Variants in ST3GAL4 observed in about 807,000 individuals in gnomAD.
The protein encoded by ST3GAL4 is CMP-N-acetylneuraminate-beta-galactosamide-alpha-2,3-sialyltransferase 4.
Under a neutral mutation model 42.6 loss-of-function variants are expected in ST3GAL4, and 24 were observed. The ratio of observed to expected loss-of-function variants is 0.56; its 90% CI spans 0.41 to 0.79. The LOEUF (loss-of-function observed/expected upper bound fraction) is 0.79. ST3GAL4 is among the 30% of genes least tolerant of loss of function. The pLI, the probability that ST3GAL4 is intolerant of heterozygous loss-of-function variation, is 0.00. For missense variants in ST3GAL4, 311 were observed against 430.8 expected, an observed-to-expected ratio of 0.72 and a Z score of 2.46; for synonymous variants, 135 against 163.2, an observed-to-expected ratio of 0.83 and a Z score of 1.32.
Position 126,366,084 on chromosome 11 carries a change from G to A in ST3GAL4, c.-61+10242G>A, listed in dbSNP as rs1305478826. On this transcript the variant is annotated intron_variant, in intron 1 of 10. Coordinates refer to ENST00000444328, the MANE Select transcript of ST3GAL4 (RefSeq NM_001254757.2). This position sits in a 1 kb window ranked among gnomAD's most constrained non-coding sequence, Gnocchi z 4.2. The stretch of plus-strand genomic sequence containing the variant: ...CCCCTTTCCGTGACTTTGGAGGAAC[G>A]AGGTTCCTGAGGGCTGGCACAGCCA... Among the ~76,000 whole-genome samples, 1 of 152,186 alleles carries A rather than the reference G, an allele frequency of 6.6e-6. No homozygotes were observed. The highest frequency in any genetic ancestry group is 1.5e-5 in the Non-Finnish European group (1 of 68,030).
chr11:126,387,970 C>CT (rs1231623755), intron 1 of ST3GAL4, among the ~76,000 whole-genome samples: 2 of 152,240 alleles, frequency 1.3e-5, no homozygotes, highest in African/African-American at 4.8e-5. Flanking sequence ...TTTGCAGCCT[C>CT]TTTTTCACAG....
At chr11:126,374,103 C>T (rs374828708) in intron 1 of ST3GAL4, among the ~76,000 whole-genome samples, 1 of 151,706 alleles carries the variant, frequency 6.6e-6, no homozygotes, top group Non-Finnish European at 1.5e-5. Context: ...GGGGAGGGGG[C>T]CTGCAGTGTT....
In ST3GAL4 at chr11:126,376,405, T is replaced by A. The variant is rs1174371762; in HGVS notation, c.-61+20563T>A. The stretch of plus-strand genomic sequence containing the variant: ...CAGAGGCAGGTGTTTGGAGAGTGAA[T>A]GTAAAAGCAAAATGAAGAATTTATT... On this transcript the variant is annotated intron_variant, in intron 1 of 10. Coordinates refer to ENST00000444328, the MANE Select transcript of ST3GAL4 (RefSeq NM_001254757.2). This position sits in a 1 kb window ranked among gnomAD's most constrained non-coding sequence, Gnocchi z 5.1. Among the ~76,000 whole-genome samples the A allele has an allele frequency of 6.6e-6, 1 of 152,216 alleles. No homozygotes were observed. The highest frequency in any genetic ancestry group is 1.5e-5 in the Non-Finnish European group (1 of 68,034).
chr11:126,414,203 T>C lies in ST3GAL4; in HGVS notation c.*156T>C, dbSNP rs1487323101. ...CCTGGCCAGGTCTGAGATGAGGCCA[T>C]GCCCCTGGCTGCTCTTATGGAGCCG... On this transcript the variant is annotated 3_prime_UTR_variant, in exon 11 of 11. Transcript: ENST00000444328. 5.8e-6 allele frequency: 4 copies of C among 689,744 alleles called. No individual in the cohort carries two copies. The highest frequency in any genetic ancestry group is 7.6e-6 in the Non-Finnish European group (3 of 394,762). The allele number at this position is 689,744 out of a possible 1,614,324, so 42.7% of individuals were successfully genotyped here.
intron 1 of ST3GAL4, among the ~76,000 whole-genome samples, chr11:126,381,391 G>T (rs2066985): frequency 0.12 from 18,132 of 151,392 alleles, 1,163 homozygotes; most frequent in East Asian, 0.34. Flanking sequence ...TGACAACAAA[G>T]CTCCCTCTGT....
chr11:126,412,002 G>A (rs4937126), intron 9 of ST3GAL4, among the ~76,000 whole-genome samples: 47,078 of 151,950 alleles, frequency 0.31, 7,488 homozygotes, highest in East Asian at 0.53. Flanking sequence ...GAGGGTTAGC[G>A]TCACTGGGGT....
rs546409484 is a variant in ST3GAL4, at chr11:126,390,221, C to G, written c.-60-15875C>G. ...TTAACATTATGTCTTCAAGTTTATCCCAATTGACCCATATGGATTGATTTC... is the reference window on the plus strand; with the variant it reads ...TTAACATTATGTCTTCAAGTTTATCGCAATTGACCCATATGGATTGATTTC... On this transcript the variant is annotated intron_variant, in intron 1 of 10. Transcript: ENST00000444328. Among the ~76,000 whole-genome samples, 5 of 151,752 alleles carry G rather than the reference C, an allele frequency of 3.3e-5. No individual in the cohort carries two copies. The East Asian group carries it at 9.7e-4, about 29-fold the overall frequency.
In ST3GAL4 at chr11:126,366,050, C is replaced by T. The variant is rs1952412386; in HGVS notation, c.-61+10208C>T. ...GCCTGGCTGGGCAGAGGGCGAGGAG[C>T]CCAGGATTCCCCTTTCCGTGACTTT... On this transcript the variant is annotated intron_variant, in intron 1 of 10. Coordinates refer to ENST00000444328, the MANE Select transcript of ST3GAL4 (RefSeq NM_001254757.2). This position sits in a 1 kb window ranked among gnomAD's most constrained non-coding sequence, Gnocchi z 4.2. 6.6e-6 allele frequency among the ~76,000 whole-genome samples: 1 copy of T among 152,180 alleles called. No homozygotes were observed. Among genetic ancestry groups the T allele is most frequent in the African/African-American group, 2.4e-5 (1 of 41,446 alleles).
At chr11:126,372,895 G>A (rs142557377) in intron 1 of ST3GAL4, among the ~76,000 whole-genome samples, 39 of 152,356 alleles carry the variant, frequency 2.6e-4, no homozygotes, top group African/African-American at 9.1e-4. Flanking sequence ...GAACATGGGT[G>A]TACAAATATC....
In ST3GAL4 at chr11:126,408,140, G is replaced by A. The variant is rs760822707; in HGVS notation, c.383G>A (p.Arg128Gln). The change falls in exon 7 of 11, where the codon CGG becomes CAG. Residue 128 changes from arginine (R) to glutamine (Q), a missense_variant. Arg to Gln is a conservative substitution (Grantham distance 43). Transcript: ENST00000444328. ...TGTGTGGTCGTGGGGAACGGGCACC[G>A]GCTGCGGAACAGCTCACTGGGAGAT... ...RRCVVVGNGH[R>Q]LRNSSLGDAI... 9 of 1,614,022 alleles carry A rather than the reference G, an allele frequency of 5.6e-6. No individual in the cohort carries two copies. Among genetic ancestry groups the A allele is most frequent in the Admixed American group, 3.3e-5 (2 of 59,996 alleles).
rs926218058 is a variant in ST3GAL4 at position 126,393,714 on chromosome 11, G to A, written c.-60-12382G>A. ...GGTCATAGGAAGTGTGAGCTAGCAG[G>A]AATCCTGGAGATTTTCTAGCCCAAC... is the stretch of plus-strand genomic sequence containing the variant. On this transcript the variant is annotated intron_variant, in intron 1 of 10. Coordinates refer to ENST00000444328, the MANE Select transcript of ST3GAL4 (RefSeq NM_001254757.2). The surrounding 1 kb of genome is among the most constrained non-coding windows in gnomAD (Gnocchi z 5.9). Among the ~76,000 whole-genome samples the A allele has an allele frequency of 3.3e-5, 5 of 152,162 alleles. No homozygotes were observed. The highest frequency in any genetic ancestry group is 7.2e-5 in the African/African-American group (3 of 41,436).
rs918209210 is a variant in ST3GAL4, at chr11:126,378,870, T to A, written c.-61+23028T>A. ...GTCATGTTCAGATTTTATATATGTG[T>A]CTCATGTAGGAATCTAGTCTTCATA... is the stretch of plus-strand genomic sequence containing the variant. On this transcript the variant is annotated intron_variant, in intron 1 of 10. Transcript: ENST00000444328. The surrounding 1 kb of genome is among the most constrained non-coding windows in gnomAD (Gnocchi z 5.3). Among the ~76,000 whole-genome samples the A allele has an allele frequency of 2.0e-5, 3 of 152,208 alleles. No homozygotes were observed. The highest frequency in any genetic ancestry group is 4.4e-5 in the Non-Finnish European group (3 of 68,032).
intron 1 of ST3GAL4, among the ~76,000 whole-genome samples, chr11:126,375,789 G>A (rs1466252983): frequency 6.6e-6 from 1 of 151,960 alleles, no homozygotes; most frequent in Admixed American, 6.6e-5. Context: ...ACAATACACA[G>A]GACAGACCCC....
In ST3GAL4 at chr11:126,400,555, C is replaced by T. The variant is rs1953955926; in HGVS notation, c.-60-5541C>T. ...GGGAGGAGGGTAAGAGATGCGTTTG[C>T]AGTTCTCATGGCCGCAGACTGAAGG... On this transcript the variant is annotated intron_variant, in intron 1 of 10. Transcript: ENST00000444328. The surrounding 1 kb of genome is among the most constrained non-coding windows in gnomAD (Gnocchi z 4.6). Among the ~76,000 whole-genome samples the T allele has an allele frequency of 1.3e-5, 2 of 152,184 alleles. No homozygotes were observed. The highest frequency in any genetic ancestry group is 2.9e-5 in the Non-Finnish European group (2 of 68,030).
intron 1 of ST3GAL4, among the ~76,000 whole-genome samples, chr11:126,387,987 A>C (rs1953296117): frequency 6.6e-6 from 1 of 152,216 alleles, no homozygotes; most frequent in Non-Finnish European, 1.5e-5. Context: ...ACAGCTCCAT[A>C]GTGTTTCCTT....
Position 126,393,785 on chromosome 11 carries a change from G to A in ST3GAL4, c.-60-12311G>A, listed in dbSNP as rs544281764. 1.2e-4 allele frequency among the ~76,000 whole-genome samples: 19 copies of A among 152,292 alleles called. No homozygotes were observed. Among genetic ancestry groups the A allele is most frequent in the Middle Eastern group, 6.8e-3 (2 of 294 alleles). On this transcript the variant is annotated intron_variant, in intron 1 of 10. Transcript: ENST00000444328. This position sits in a 1 kb window ranked among gnomAD's most constrained non-coding sequence, Gnocchi z 5.9. ...TGGGAGCCAGAAATACAAGCCACAT[G>A]TAATTTTAAATTACTTTTAAAACAT... is the stretch of plus-strand genomic sequence containing the variant.
At chr11:126,368,553 C>T (rs959030516) in intron 1 of ST3GAL4, among the ~76,000 whole-genome samples, 6 of 152,210 alleles carry the variant, frequency 3.9e-5, no homozygotes, top group African/African-American at 1.4e-4. Context: ...CCGTGGCTCT[C>T]CTGGGACACA....
Position 126,386,906 on chromosome 11 carries a change from C to T in ST3GAL4, c.-60-19190C>T, listed in dbSNP as rs1320893153. On this transcript the variant is annotated intron_variant, in intron 1 of 10. Coordinates refer to ENST00000444328, the MANE Select transcript of ST3GAL4 (RefSeq NM_001254757.2). This position sits in a 1 kb window ranked among gnomAD's most constrained non-coding sequence, Gnocchi z 4.7. ...AGGAACGGTAACACACACACCCCTCCCCCACCCCGCTGGAGAAGCCCTGCA... is the reference window on the plus strand; with the variant it reads ...AGGAACGGTAACACACACACCCCTCTCCCACCCCGCTGGAGAAGCCCTGCA... Among the ~76,000 whole-genome samples, 3 of 152,106 alleles carry T rather than the reference C, an allele frequency of 2.0e-5. No homozygotes were observed. The highest frequency in any genetic ancestry group is 7.2e-5 in the African/African-American group (3 of 41,420).
chr11:126,400,219 C>T lies in ST3GAL4; in HGVS notation c.-60-5877C>T, dbSNP rs966537897. Among the ~76,000 whole-genome samples, 43 of 152,360 alleles carry T rather than the reference C, an allele frequency of 2.8e-4. No homozygotes were observed. The highest frequency in any genetic ancestry group is 1.9e-3 in the Admixed American group (29 of 15,304). On this transcript the variant is annotated intron_variant, in intron 1 of 10. Coordinates refer to ENST00000444328, the MANE Select transcript of ST3GAL4 (RefSeq NM_001254757.2). This position sits in a 1 kb window ranked among gnomAD's most constrained non-coding sequence, Gnocchi z 4.6. ...GGAAGTCCAAGATCAAGGGGCTGCT[C>T]TGGCAAGGGCCTTCTTGCTGCATCA...
Sources: gnomAD v4.1 joint callset for allele counts (sites outside exome capture counted in the v4.1 genomes callset) on GRCh38, gnomAD v4.1.1 for gene constraint, Gnocchi (gnomAD v3.1) non-coding constraint, MANE v1.5 for transcripts, NCBI Gene and HGNC (gene_info 2026-07-23, HGNC 2026-07-21) for gene names.